The following BICD1 variants were observed in gnomAD, a reference collection of about 807,000 sequenced individuals.
The protein encoded by BICD1 is protein bicaudal D homolog 1.
BICD1 carries 35 observed loss-of-function variants against 92.5 expected under a neutral mutation model. That is an observed-to-expected ratio of 0.38 (90% CI 0.29 to 0.50). The LOEUF (loss-of-function observed/expected upper bound fraction) is 0.50, where lower values mean the gene tolerates loss of function less well. Among genes scored for constraint, BICD1 ranks in the 20% least tolerant of loss-of-function variants. BICD1 has a pLI of 0.93. For missense variants in BICD1, 950 were observed against 1,189.8 expected, an observed-to-expected ratio of 0.80 and a Z score of 2.97; for synonymous variants, 429 against 465.1, an observed-to-expected ratio of 0.92 and a Z score of 1.00.
chr12:32,242,493 C>A (rs1160574992), intron 2 of BICD1, among the ~76,000 whole-genome samples: 2 of 151,652 alleles, frequency 1.3e-5, no homozygotes, highest in Non-Finnish European at 2.9e-5. Flanking sequence ...TGCCACTGCA[C>A]TTTAGCCTGG....
chr12:32,108,405 G>C (rs980949415), intron 1 of BICD1: 7 of 309,908 alleles, frequency 2.3e-5, no homozygotes, highest in African/African-American at 6.4e-5. Flanking sequence ...AACAATGAAC[G>C]TGCTTTGATT....
Position 32,380,795 on chromosome 12 carries a change from C to G in BICD1, c.*3168C>G, listed in dbSNP as rs967859162. The G allele has an allele frequency of 2.0e-5, 3 of 151,858 alleles. No individual in the cohort carries two copies. The highest frequency in any genetic ancestry group is 1.3e-4 in the Admixed American group (2 of 15,234). 9.4% of individuals were successfully genotyped at this position (151,858 alleles called of 1,614,324 possible). A position where few individuals can be genotyped will look rare whatever the true frequency, so the allele number is the denominator to read the frequency against. ...ATTTAGAAATTATACTTTAGTCTAACGAAGAGGAGGTACAATAGTAGTCTT... is the reference window on the plus strand; with the variant it reads ...ATTTAGAAATTATACTTTAGTCTAAGGAAGAGGAGGTACAATAGTAGTCTT... On this transcript the variant is annotated 3_prime_UTR_variant, in exon 10 of 10. Coordinates refer to ENST00000652176, the MANE Select transcript of BICD1 (RefSeq NM_001714.4).
chr12:32,281,274 G>C (rs1438102862), intron 2 of BICD1, among the ~76,000 whole-genome samples: 2 of 151,748 alleles, frequency 1.3e-5, no homozygotes, highest in African/African-American at 4.8e-5. Flanking sequence ...CTTTTTCCTG[G>C]TTATTGCCCA....
At chr12:32,285,738 C>T (rs918612826) in intron 2 of BICD1, among the ~76,000 whole-genome samples, 2 of 152,182 alleles carry the variant, frequency 1.3e-5, no homozygotes, top group Non-Finnish European at 2.9e-5. Flanking sequence ...AAGCATTCCC[C>T]TGTTGTGCCA....
At chr12:32,134,526 G>A (rs925430422) in intron 1 of BICD1, among the ~76,000 whole-genome samples, 4 of 152,190 alleles carry the variant, frequency 2.6e-5, no homozygotes, top group African/African-American at 9.7e-5. Flanking sequence ...CAGAGTGAAA[G>A]TGAGCAGGCC....
chr12:32,285,381 G>A (rs1283839237), intron 2 of BICD1, among the ~76,000 whole-genome samples: 1 of 151,940 alleles, frequency 6.6e-6, no homozygotes, highest in African/African-American at 2.4e-5. Context: ...AGTAAACAGG[G>A]GTTTGTTACC....
At chr12:32,195,124 A>G (rs1944692538) in intron 1 of BICD1, among the ~76,000 whole-genome samples, 1 of 151,922 alleles carries the variant, frequency 6.6e-6, no homozygotes, top group Non-Finnish European at 1.5e-5. Flanking sequence ...AGACAGAAAT[A>G]AATGGAAAGG....
intron 1 of BICD1, among the ~76,000 whole-genome samples, chr12:32,158,528 T>C (rs1943511314): frequency 6.6e-6 from 1 of 151,852 alleles, no homozygotes; most frequent in Non-Finnish European, 1.5e-5. Context: ...AAAGAATACC[T>C]CTGGTATATA....
chr12:32,302,108 G>A lies in BICD1; in HGVS notation c.580-3589G>A, dbSNP rs1948067764. 7.2e-5 allele frequency among the ~76,000 whole-genome samples: 11 copies of A among 152,182 alleles called. No homozygotes were observed. In the South Asian group the frequency reaches 2.1e-3, roughly 29 times the overall value. Reference sequence around the variant, plus strand: ...TCACTGTGTTAGCTAGGATGGTCTTGATCTCCTGACCTCGTGATCCGCCCG... The same window carrying A: ...TCACTGTGTTAGCTAGGATGGTCTTAATCTCCTGACCTCGTGATCCGCCCG... On this transcript the variant is annotated intron_variant, in intron 3 of 9. Transcript: ENST00000652176.
intron 9 of BICD1, among the ~76,000 whole-genome samples, chr12:32,374,823 G>A (rs1344954475): frequency 1.4e-5 from 2 of 145,636 alleles, no homozygotes; most frequent in Non-Finnish European, 3.0e-5. Context: ...CCAACCACAG[G>A]TGATCCGCCT....
In BICD1 at chr12:32,154,413, C is replaced by A. The variant is rs142896769; in HGVS notation, c.213+46869C>A. On this transcript the variant is annotated intron_variant, in intron 1 of 9. Transcript: ENST00000652176. ...CTTACCCACCACTGTTAGATCAGTT[C>A]TTTAAACACCACTTAAACTCCCACT... 2.6e-5 allele frequency among the ~76,000 whole-genome samples: 4 copies of A among 152,274 alleles called. No homozygotes were observed. In the East Asian group the frequency reaches 7.7e-4, roughly 29 times the overall value.
intron 8 of BICD1, among the ~76,000 whole-genome samples, chr12:32,362,624 C>T (rs1939372178): frequency 6.6e-6 from 1 of 152,068 alleles, no homozygotes; most frequent in Non-Finnish European, 1.5e-5. Context: ...ACTCTATGAC[C>T]CTGATATTTT....
chr12:32,145,419 G>A (rs1030601810), intron 1 of BICD1, among the ~76,000 whole-genome samples: 1 of 152,170 alleles, frequency 6.6e-6, no homozygotes, highest in African/African-American at 2.4e-5. Flanking sequence ...TTTGACTTGT[G>A]ATGTATTGAC....
At chr12:32,127,187 T>G (rs914531335) in intron 1 of BICD1, among the ~76,000 whole-genome samples, 1 of 152,232 alleles carries the variant, frequency 6.6e-6, no homozygotes, top group African/African-American at 2.4e-5. Context: ...TCTTTTGTGT[T>G]TCTAGGTTGT....
At position 32,116,490 on chromosome 12, in the gene BICD1, CTTTCTCTCTCTCTCTCTCTCTATA is replaced by C. The variant is rs1238809713; in HGVS notation, c.213+8948_213+8971del. On this transcript the variant is annotated intron_variant, in intron 1 of 9. Transcript: ENST00000652176. Reference sequence around the variant, plus strand: ...TCTCTCTCTCTCTCTCTCTCTCTCTCTTTCTCTCTCTCTCTCTCTCTATATATATATATATATATGTAATTTTGA... The same window carrying C: ...TCTCTCTCTCTCTCTCTCTCTCTCTCTATATATATATATATGTAATTTTGA... Among the ~76,000 whole-genome samples, 756 of 123,444 alleles carry C rather than the reference CTTTCTCTCTCTCTCTCTCTCTATA, an allele frequency of 6.1e-3. 6 individuals are homozygous for C. Among genetic ancestry groups the C allele is most frequent in the African/African-American group, 0.014 (453 of 32,174 alleles). The allele number at this position is 123,444 out of a possible 152,430, so 81.0% of individuals were successfully genotyped here.
At chr12:32,198,061 C>T (rs1592459240) in intron 1 of BICD1, among the ~76,000 whole-genome samples, 1 of 151,764 alleles carries the variant, frequency 6.6e-6, no homozygotes, top group Non-Finnish European at 1.5e-5. Context: ...CAAAATTAGC[C>T]GGGCGTGGTG....
At chr12:32,205,125 T>G (rs751076093) in intron 1 of BICD1, among the ~76,000 whole-genome samples, 1 of 152,150 alleles carries the variant, frequency 6.6e-6, no homozygotes, top group Non-Finnish European at 1.5e-5. Flanking sequence ...TTCATACAGA[T>G]TTTTCAAACA....
intron 4 of BICD1, among the ~76,000 whole-genome samples, chr12:32,315,742 G>A (rs2266510): frequency 0.85 from 128,825 of 152,154 alleles, 54,703 homozygotes; most frequent in Non-Finnish European, 0.88. Context: ...ACCATTTAGT[G>A]GAAACCATAC....
chr12:32,346,606 A>ACGTG (rs1196225736), intron 8 of BICD1, among the ~76,000 whole-genome samples: 4 of 9,988 alleles, frequency 4.0e-4, no homozygotes, highest in African/African-American at 7.3e-4. Context: ...ATATATATAT[A>ACGTG]TATATACGTG....
Sources: allele counts gnomAD v4.1 joint callset (sites outside exome capture counted in the v4.1 genomes callset), GRCh38; gene constraint gnomAD v4.1.1; transcripts MANE v1.5; gene names NCBI Gene and HGNC (gene_info 2026-07-23, HGNC 2026-07-21).